Variants in ROR2 observed in about 807,000 individuals in gnomAD.
The protein encoded by ROR2 is ROR family WNT receptor 2.
In ROR2, 33 loss-of-function variants were observed where a neutral mutation model predicts 74.9. The observed-to-expected ratio is 0.44, with a 90% CI of 0.33 to 0.59. The LOEUF is 0.59. ROR2 is among the 20% of genes least tolerant of loss of function. ROR2 has a pLI of 0.02. For missense variants in ROR2, 1,216 were observed against 1,313.8 expected (o/e 0.93, Z 1.15); for synonymous variants, 586 against 558.7 (o/e 1.05, Z -0.69).
chr9:91,833,607 G>A (rs59336136), intron 1 of ROR2, among the ~76,000 whole-genome samples: 4,966 of 152,048 alleles, frequency 0.033, 201 homozygotes, highest in African/African-American at 0.092. Flanking sequence ...ACCCCCTATC[G>A]AAGAGAAGCA....
At position 91,874,120 on chromosome 9, in the gene ROR2, C is replaced by T. The variant is rs547185643; in HGVS notation, c.97+75747G>A. Among the ~76,000 whole-genome samples, 16 of 152,272 alleles carry T rather than the reference C, an allele frequency of 1.1e-4. No individual in the cohort carries two copies. In the South Asian group the frequency reaches 2.9e-3, roughly 28 times the overall value. On this transcript the variant is annotated intron_variant, in intron 1 of 8. Coordinates refer to ENST00000375708, the MANE Select transcript of ROR2 (RefSeq NM_004560.4). ...ACCTGGAAGGGGGCTGACGAAGCCT[C>T]CCTCCCAGACAGGGCCTCAAGGAAT...
rs1459832830 is a variant in ROR2 at position 91,724,678 on chromosome 9, G to A, written c.1816C>T (p.Leu606=). The change falls in exon 9 of 9, where the codon CTA becomes TTA. Residue 606 remains leucine, a synonymous_variant. Coordinates refer to ENST00000375708, the MANE Select transcript of ROR2 (RefSeq NM_004560.4). ...VAQIAAGMEY[L]SSHHVVHKDL... is the part of the protein sequence containing the mutation. ...TTGTGAACCACGTGGTGGCTGGATAGGTACTCCATCCCCGCCGCGATCTGT... is the reference window on the plus strand; with the variant it reads ...TTGTGAACCACGTGGTGGCTGGATAAGTACTCCATCCCCGCCGCGATCTGT... 1.2e-6 allele frequency: 2 copies of A among 1,614,218 alleles called. No individual in the cohort carries two copies. Among genetic ancestry groups the A allele is most frequent in the South Asian group, 1.1e-5 (1 of 91,086 alleles).
intron 1 of ROR2, among the ~76,000 whole-genome samples, chr9:91,820,594 C>T (rs978305570): frequency 2.6e-5 from 4 of 152,102 alleles, no homozygotes; most frequent in Admixed American, 6.5e-5. Context: ...CACCCACGTG[C>T]GCAATGCTGT....
intron 2 of ROR2, among the ~76,000 whole-genome samples, chr9:91,771,578 A>G (rs1192339335): frequency 6.6e-6 from 1 of 152,232 alleles, no homozygotes; most frequent in Admixed American, 6.5e-5. Flanking sequence ...TGCAGTCTTA[A>G]ACAATGACAG....
At position 91,925,462 on chromosome 9, in the gene ROR2, C is replaced by CTGTG. The variant is rs1224637296; in HGVS notation, c.97+24404_97+24405insCACA. The stretch of plus-strand genomic sequence containing the variant: ...CACCCCTGACAATGCTGTCAGCTGC[C>CTGTG]TGTATGTGTGTGTGTGTGTGTGTGT... On this transcript the variant is annotated intron_variant, in intron 1 of 8. Transcript: ENST00000375708. Among the ~76,000 whole-genome samples the CTGTG allele has an allele frequency of 5.3e-3, 664 of 126,148 alleles. 8 individuals are homozygous for CTGTG. Among genetic ancestry groups the CTGTG allele is most frequent in the African/African-American group, 0.02 (615 of 30,208 alleles). The allele number at this position is 126,148 out of a possible 152,430, so 82.8% of individuals were successfully genotyped here. A position where few individuals can be genotyped will look rare whatever the true frequency, so the allele number is the denominator to read the frequency against.
intron 1 of ROR2, among the ~76,000 whole-genome samples, chr9:91,904,052 G>GC (rs939407870): frequency 1.7e-4 from 11 of 63,840 alleles, no homozygotes; most frequent in African/African-American, 5.7e-4. Context: ...GTTTTTTTTT[G>GC]GGGGGGGGGA....
chr9:91,835,106 C>G (rs1210700377), intron 1 of ROR2, among the ~76,000 whole-genome samples: 1 of 152,162 alleles, frequency 6.6e-6, no homozygotes, highest in Non-Finnish European at 1.5e-5. Context: ...AGACACAGCC[C>G]CTGCAGACAC....
chr9:91,828,126 C>T (rs1292893198), intron 1 of ROR2, among the ~76,000 whole-genome samples: 1 of 152,248 alleles, frequency 6.6e-6, no homozygotes, highest in Admixed American at 6.5e-5. Flanking sequence ...ATCTTTAAAA[C>T]ATTCAGTCTT....
At position 91,740,287 on chromosome 9, in the gene ROR2, A is replaced by G. The variant is rs950672009; in HGVS notation, c.495-2769T>C. Among the ~76,000 whole-genome samples, 4 of 151,866 alleles carry G rather than the reference A, an allele frequency of 2.6e-5. No individual in the cohort carries two copies. In the East Asian group the frequency reaches 5.8e-4, roughly 22 times the overall value. ...ATCCAGGCTGGGCGCGGTGGCTCAA[A>G]CCTGTAATCCCAGCACTTTGGGAGG... On this transcript the variant is annotated intron_variant, in intron 4 of 8. Coordinates refer to ENST00000375708, the MANE Select transcript of ROR2 (RefSeq NM_004560.4).
chr9:91,736,824 A>C (rs1825044524), intron 5 of ROR2, among the ~76,000 whole-genome samples: 2 of 152,144 alleles, frequency 1.3e-5, no homozygotes, highest in South Asian at 4.1e-4. Context: ...ACTTTCTCAG[A>C]CCCTGAACCA....
chr9:91,927,375 AC>A (rs1831432148), intron 1 of ROR2, among the ~76,000 whole-genome samples: 1 of 152,174 alleles, frequency 6.6e-6, no homozygotes, highest in South Asian at 2.1e-4. Flanking sequence ...GTCCTTGCTG[AC>A]CCACTCACTG....
At chr9:91,820,521 A>T (rs1214382990) in intron 1 of ROR2, among the ~76,000 whole-genome samples, 1 of 152,202 alleles carries the variant, frequency 6.6e-6, no homozygotes, top group Non-Finnish European at 1.5e-5. Flanking sequence ...GTCAGGAGCC[A>T]CGGCAGGCAA....
chr9:91,924,733 C>T (rs2117890535), intron 1 of ROR2, among the ~76,000 whole-genome samples: 1 of 151,870 alleles, frequency 6.6e-6, no homozygotes, highest in South Asian at 2.1e-4. Context: ...GCGGAGCTTG[C>T]AGTGAGACAA....
intron 1 of ROR2, among the ~76,000 whole-genome samples, chr9:91,904,631 T>G (rs1830764606): frequency 6.6e-6 from 1 of 152,042 alleles, no homozygotes; most frequent in African/African-American, 2.4e-5. Context: ...ACCAACACTA[T>G]AGGAGGGCAC....
chr9:91,723,809 A>T lies in ROR2; in HGVS notation c.2685T>A (p.Asp895Glu). Reference protein sequence around the residue: ...DRAALLSEGADDTQNAPEDGA... With the variant: ...DRAALLSEGAEDTQNAPEDGA... Reference sequence around the variant, plus strand: ...CATCTTCTGGGGCGTTCTGTGTGTCATCAGCGCCCTCTGAGAGCAGGGCTG... The same window carrying T: ...CATCTTCTGGGGCGTTCTGTGTGTCTTCAGCGCCCTCTGAGAGCAGGGCTG... Residue 895 changes from aspartate (D) to glutamate (E), a missense_variant, in exon 9 of 9, where the codon GAT becomes GAA. Asp to Glu is a conservative substitution (Grantham distance 45, BLOSUM62 2). Coordinates refer to ENST00000375708, the MANE Select transcript of ROR2 (RefSeq NM_004560.4). The T allele has an allele frequency of 6.2e-7, 1 of 1,613,832 alleles. No homozygotes were observed. The highest frequency in any genetic ancestry group is 8.5e-7 in the Non-Finnish European group (1 of 1,180,002).
At chr9:91,830,821 TGTG>T (rs1828445593) in intron 1 of ROR2, among the ~76,000 whole-genome samples, 2 of 148,668 alleles carry the variant, frequency 1.3e-5, no homozygotes, top group Admixed American at 6.8e-5. Context: ...TGTGTGTGTG[TGTG>T]TGTGTGTGTG....
intron 1 of ROR2, among the ~76,000 whole-genome samples, chr9:91,778,497 G>A (rs1709965695): frequency 6.6e-6 from 1 of 152,210 alleles, no homozygotes; most frequent in African/African-American, 2.4e-5. Flanking sequence ...AGCTCACCAG[G>A]CAAGGTCCCT....
At chr9:91,817,330 T>C (rs1335713057) in intron 1 of ROR2, among the ~76,000 whole-genome samples, 1 of 152,194 alleles carries the variant, frequency 6.6e-6, no homozygotes, top group Non-Finnish European at 1.5e-5. Flanking sequence ...GAGACCTTCG[T>C]GGGGTCCAGG....
At chr9:91,909,847 G>GGTTT (rs766353760) in intron 1 of ROR2, among the ~76,000 whole-genome samples, 1 of 53,598 alleles carries the variant, frequency 1.9e-5, no homozygotes, top group East Asian at 6.7e-4. Flanking sequence ...GGTTTGTTTT[G>GGTTT]TTTTTTTTTT....
Sources: gnomAD v4.1 joint callset for allele counts (sites outside exome capture counted in the v4.1 genomes callset) on GRCh38, gnomAD v4.1.1 for gene constraint, MANE v1.5 for transcripts, NCBI Gene and HGNC (gene_info 2026-07-23, HGNC 2026-07-21) for gene names.